SLC25A21: variants seen among roughly 807,000 people sequenced by gnomAD.
SLC25A21 encodes solute carrier family 25 member 21.
SLC25A21 carries 47 observed loss-of-function variants against 43.8 expected under a neutral mutation model. The ratio of observed to expected loss-of-function variants is 1.07; its 90% CI spans 0.85 to 1.37. The LOEUF is 1.37. Among genes scored for constraint, SLC25A21 ranks in the 40% most tolerant of loss-of-function variants. The pLI is 0.00. For missense variants in SLC25A21, 352 were observed against 350.2 expected (o/e 1.00, Z -0.04); for synonymous variants, 131 against 121.3 (o/e 1.08, Z -0.52).
chr14:37,163,425 G>T (rs1485384075), intron 1 of SLC25A21, among the ~76,000 whole-genome samples: 3 of 151,980 alleles, frequency 2.0e-5, no homozygotes, highest in Non-Finnish European at 4.4e-5. Context: ...ATACATATCT[G>T]ATAGAATATT....
chr14:37,005,284 T>C (rs141231683), intron 1 of SLC25A21, among the ~76,000 whole-genome samples: 2,211 of 149,226 alleles, frequency 0.015, 19 homozygotes, highest in Middle Eastern at 0.028. Flanking sequence ...AGGATTCCAT[T>C]GCATTTGGAC....
intron 7 of SLC25A21, among the ~76,000 whole-genome samples, chr14:36,690,417 A>G (rs945600793): frequency 6.6e-6 from 1 of 152,234 alleles, no homozygotes; most frequent in Non-Finnish European, 1.5e-5. Context: ...AAGTTAAGTC[A>G]GTTGTCCAAG....
At chr14:37,107,822 G>A (rs1018799807) in intron 1 of SLC25A21, among the ~76,000 whole-genome samples, 10 of 152,236 alleles carry the variant, frequency 6.6e-5, no homozygotes, top group African/African-American at 1.4e-4. Context: ...AAGAGTACAG[G>A]GGAAGTCTGA....
At chr14:37,090,827 T>C (rs904675787) in intron 1 of SLC25A21, among the ~76,000 whole-genome samples, 2 of 152,184 alleles carry the variant, frequency 1.3e-5, no homozygotes, top group Admixed American at 6.5e-5. Context: ...TAGTCACATG[T>C]ACAGTTGATT....
chr14:37,092,985 C>G (rs1962618489), intron 1 of SLC25A21, among the ~76,000 whole-genome samples: 1 of 151,978 alleles, frequency 6.6e-6, no homozygotes, highest in Non-Finnish European at 1.5e-5. Flanking sequence ...TTTTGTCCAT[C>G]TTTTTTAAAT....
At chr14:37,141,214 C>T (rs1963564934) in intron 1 of SLC25A21, among the ~76,000 whole-genome samples, 1 of 152,080 alleles carries the variant, frequency 6.6e-6, no homozygotes, top group African/African-American at 2.4e-5. Flanking sequence ...GAAATTCAAG[C>T]TTTTTTATAT....
Position 37,046,862 on chromosome 14 carries a change from T to C in SLC25A21, c.70+125419A>G, listed in dbSNP as rs145113200. Among the ~76,000 whole-genome samples the C allele has an allele frequency of 3.5e-4, 53 of 152,292 alleles. No homozygotes were observed. The East Asian group carries it at 7.0e-3, about 20-fold the overall frequency. ...GGGTTGTGGAAGACAGCTGCAAATG[T>C]TGAACTGTTTCTACCCCACATAACA... is the stretch of plus-strand genomic sequence containing the variant. On this transcript the variant is annotated intron_variant, in intron 1 of 9. Transcript: ENST00000331299.
intron 2 of SLC25A21, among the ~76,000 whole-genome samples, chr14:36,829,019 A>C (rs1888938233): frequency 6.6e-6 from 1 of 152,024 alleles, no homozygotes; most frequent in Admixed American, 6.6e-5. Flanking sequence ...CTCATGCTTC[A>C]TCTGCCTGAG....
intron 2 of SLC25A21, among the ~76,000 whole-genome samples, chr14:36,838,081 A>G (rs993069380): frequency 5.3e-5 from 8 of 152,176 alleles, no homozygotes; most frequent in Admixed American, 1.3e-4. Flanking sequence ...CTTGTACCGG[A>G]AACACCCAGG....
At chr14:37,155,703 A>C (rs1041993626) in intron 1 of SLC25A21, among the ~76,000 whole-genome samples, 2 of 152,178 alleles carry the variant, frequency 1.3e-5, no homozygotes, top group Admixed American at 6.5e-5. Flanking sequence ...TATACCCAGC[A>C]AAATTATAGC....
At chr14:36,986,268 A>G (rs1348602333) in intron 1 of SLC25A21, among the ~76,000 whole-genome samples, 2 of 152,116 alleles carry the variant, frequency 1.3e-5, no homozygotes, top group Non-Finnish European at 2.9e-5. Flanking sequence ...TTCAATTCCA[A>G]TCCAACACCA....
intron 3 of SLC25A21, among the ~76,000 whole-genome samples, chr14:36,781,106 C>T (rs1183380019): frequency 2.0e-5 from 3 of 152,044 alleles, no homozygotes; most frequent in Non-Finnish European, 4.4e-5. Flanking sequence ...TAGATTTTGG[C>T]TAACAGTCTA....
intron 1 of SLC25A21, among the ~76,000 whole-genome samples, chr14:36,891,745 G>C (rs540260294): frequency 6.6e-6 from 1 of 152,050 alleles, no homozygotes; most frequent in Non-Finnish European, 1.5e-5. Flanking sequence ...GGCAGAGCGC[G>C]TAAGACTATG....
chr14:37,080,040 G>GACACCAA (rs1291270991), intron 1 of SLC25A21, among the ~76,000 whole-genome samples: 3 of 152,136 alleles, frequency 2.0e-5, no homozygotes, highest in Non-Finnish European at 4.4e-5. Context: ...GTCCATACCA[G>GACACCAA]ACACCAAAAC....
At chr14:36,949,918 A>G (rs1892766064) in intron 1 of SLC25A21, among the ~76,000 whole-genome samples, 1 of 152,190 alleles carries the variant, frequency 6.6e-6, no homozygotes, top group South Asian at 2.1e-4. Flanking sequence ...TCTGCATCCA[A>G]CATGTACAAG....
chr14:36,911,995 T>C (rs1186857272), intron 1 of SLC25A21, among the ~76,000 whole-genome samples: 2 of 152,202 alleles, frequency 1.3e-5, no homozygotes, highest in African/African-American at 4.8e-5. Context: ...TGTGTGCTAA[T>C]TATAACTACT....
chr14:36,869,354 C>T (rs1489555230), intron 2 of SLC25A21, among the ~76,000 whole-genome samples: 1 of 151,992 alleles, frequency 6.6e-6, no homozygotes, highest in Non-Finnish European at 1.5e-5. Flanking sequence ...CCCACAGGGA[C>T]AAAGAGGGTG....
At chr14:37,141,635 T>G (rs1963572150) in intron 1 of SLC25A21, among the ~76,000 whole-genome samples, 1 of 152,238 alleles carries the variant, frequency 6.6e-6, no homozygotes, top group East Asian at 1.9e-4. Context: ...CCTAGTAGAT[T>G]TACTTTACTA....
intron 3 of SLC25A21, among the ~76,000 whole-genome samples, chr14:36,802,735 T>C (rs1367274148): frequency 6.6e-6 from 1 of 152,166 alleles, no homozygotes; most frequent in Non-Finnish European, 1.5e-5. Context: ...CATCTTTGGA[T>C]GACCGGAATT....
Sources: gnomAD v4.1 joint callset for allele counts (sites outside exome capture counted in the v4.1 genomes callset) on GRCh38, gnomAD v4.1.1 for gene constraint, MANE v1.5 for transcripts, NCBI Gene and HGNC (gene_info 2026-07-23, HGNC 2026-07-21) for gene names.